Variants in PPP1R3C observed in about 807,000 individuals in gnomAD.
PPP1R3C encodes protein phosphatase 1 regulatory subunit 3C, also known as PP1 subunit R5.
Under a neutral mutation model 29.3 loss-of-function variants are expected in PPP1R3C, and 20 were observed. That is an observed-to-expected ratio of 0.68 (90% confidence interval 0.48 to 0.99). The LOEUF is 0.99. Ranked by LOEUF, PPP1R3C falls within the 50% of genes least tolerant of loss-of-function variation. PPP1R3C has a pLI of 0.00. For missense variants in PPP1R3C, 321 were observed against 386.0 expected, an observed-to-expected ratio of 0.83 and a Z score of 1.41; for synonymous variants, 123 against 143.1, an observed-to-expected ratio of 0.86 and a Z score of 1.00.
intron 1 of PPP1R3C, among the ~76,000 whole-genome samples, 171 bp from the exon 2 acceptor site, chr10:91,631,037 T>C (rs1414293883): frequency 6.6e-6 from 1 of 152,242 alleles, no homozygotes; most frequent in Admixed American, 6.5e-5. Flanking sequence ...TCAGATCTTC[T>C]ATGTCTACCT....
chr10:91,629,555 T>C lies in PPP1R3C; in HGVS notation c.*372A>G. Reference sequence around the variant, plus strand: ...CTTGAGCTTCAGAGCCCTTTGTGTATACTTTTCACACATTCCTCATACCAT... The same window carrying C: ...CTTGAGCTTCAGAGCCCTTTGTGTACACTTTTCACACATTCCTCATACCAT... On this transcript the variant is annotated 3_prime_UTR_variant, in exon 2 of 2. Coordinates refer to ENST00000238994, the MANE Select transcript of PPP1R3C (RefSeq NM_005398.7). 3.8e-6 allele frequency: 1 copy of C among 262,010 alleles called. No individual in the cohort carries two copies. The highest frequency in any genetic ancestry group is 7.4e-6 in the Non-Finnish European group (1 of 135,998). 16.2% of individuals were successfully genotyped at this position (262,010 alleles called of 1,614,324 possible).
intron 1 of PPP1R3C, among the ~76,000 whole-genome samples, chr10:91,632,324 A>C (rs1451585103): frequency 6.6e-6 from 1 of 152,138 alleles, no homozygotes; most frequent in Non-Finnish European, 1.5e-5. Context: ...CAGGATTTTT[A>C]GAGAAGTCTT....
intron 1 of PPP1R3C, 135 bp downstream of exon 1, chr10:91,632,821 A>C: frequency 7.5e-7 from 1 of 1,336,296 alleles, no homozygotes; most frequent in Non-Finnish European, 1.1e-6. Context: ...TGCCAGATTC[A>C]ACTACGCAGT....
At position 91,628,639 on chromosome 10, in the gene PPP1R3C, G is replaced by T. The variant is rs2133482469; in HGVS notation, c.*1288C>A. On this transcript the variant is annotated 3_prime_UTR_variant, in exon 2 of 2. Transcript: ENST00000238994. The stretch of plus-strand genomic sequence containing the variant: ...CTGCATTCTTGTAACACCTCTCAAT[G>T]GTTGTGCACAATAATAGAAGCAACA... 6.6e-6 allele frequency: 1 copy of T among 152,166 alleles called. No homozygotes were observed. The highest frequency in any genetic ancestry group is 2.4e-5 in the African/African-American group (1 of 41,510). The allele number at this position is 152,166 out of a possible 1,614,324, so 9.4% of individuals were successfully genotyped here.
intron 1 of PPP1R3C, among the ~76,000 whole-genome samples, chr10:91,631,545 T>C (rs1475853995): frequency 6.6e-6 from 1 of 151,762 alleles, no homozygotes; most frequent in African/African-American, 2.4e-5. Context: ...AAAAATAACA[T>C]GCAACAGTTT....
In PPP1R3C at chr10:91,630,973, CT is replaced by C; in HGVS notation, c.15-108del. 1 of 947,730 alleles carries C rather than the reference CT, an allele frequency of 1.1e-6. No individual in the cohort carries two copies. The highest frequency in any genetic ancestry group is 1.4e-5 in the South Asian group (1 of 73,846). The allele number at this position is 947,730 out of a possible 1,614,324, so 58.7% of individuals were successfully genotyped here. A position where few individuals can be genotyped will look rare whatever the true frequency, so the allele number is the denominator to read the frequency against. ...TGCTGACTGAATTATAGCCAGTGCA[CT>C]AGATATCAGGCAGGTGCTATCATAT... On this transcript the variant is annotated intron_variant, in intron 1 of 1. Transcript: ENST00000238994. This position sits in a 1 kb window ranked among gnomAD's most constrained non-coding sequence, Gnocchi z 4.4.
At chr10:91,632,914 G>A (rs1278577398) in intron 1 of PPP1R3C, 42 bp downstream of exon 1, 34 of 1,602,896 alleles carry the variant, frequency 2.1e-5, no homozygotes, top group Non-Finnish European at 2.8e-5. Context: ...ACAGCTGCGC[G>A]TTCCCCTGTG....
At position 91,629,692 on chromosome 10, in the gene PPP1R3C, T is replaced by C. The variant is rs1440643714; in HGVS notation, c.*235A>G. 1 of 573,078 alleles carries C rather than the reference T, an allele frequency of 1.7e-6. No homozygotes were observed. Among genetic ancestry groups the C allele is most frequent in the African/African-American group, 1.9e-5 (1 of 53,508 alleles). 35.5% of individuals were successfully genotyped at this position (573,078 alleles called of 1,614,324 possible). ...AAGGGAACTGAAAAAGTATTACCTT[T>C]ATAAAAATAGTTTTCAACCTGTTAC... On this transcript the variant is annotated 3_prime_UTR_variant, in exon 2 of 2. Coordinates refer to ENST00000238994, the MANE Select transcript of PPP1R3C (RefSeq NM_005398.7).
rs1043716364 is a variant in PPP1R3C at position 91,628,871 on chromosome 10, C to T, written c.*1056G>A. On this transcript the variant is annotated 3_prime_UTR_variant, in exon 2 of 2. Transcript: ENST00000238994. The stretch of plus-strand genomic sequence containing the variant: ...AGAATCCTAGTGTCGGGCCTCACGT[C>T]AAGCATCACATCAAAAAAGTGTGCA... 6.6e-6 allele frequency: 1 copy of T among 152,520 alleles called. No homozygotes were observed. Among genetic ancestry groups the T allele is most frequent in the African/African-American group, 2.4e-5 (1 of 41,446 alleles). 9.4% of individuals were successfully genotyped at this position (152,520 alleles called of 1,614,324 possible). A position where few individuals can be genotyped will look rare whatever the true frequency, so the allele number is the denominator to read the frequency against.
At chr10:91,631,400 T>G (rs1412010197) in intron 1 of PPP1R3C, among the ~76,000 whole-genome samples, 3 of 152,158 alleles carry the variant, frequency 2.0e-5, no homozygotes, top group African/African-American at 7.2e-5. Flanking sequence ...TTCTTAAAGC[T>G]TCCCAGGTGA....
Position 91,629,609 on chromosome 10 carries a change from T to C in PPP1R3C, c.*318A>G. On this transcript the variant is annotated 3_prime_UTR_variant, in exon 2 of 2. Transcript: ENST00000238994. ...CACAGCTTTCCATCACCATCAGCCA[T>C]CCTTCCTCAACTTTTCCTTGCCCAA... The C allele has an allele frequency of 2.5e-6, 1 of 406,408 alleles. No individual in the cohort carries two copies. Among genetic ancestry groups the C allele is most frequent in the Non-Finnish European group, 4.5e-6 (1 of 220,380 alleles). The allele number at this position is 406,408 out of a possible 1,614,324, so 25.2% of individuals were successfully genotyped here.
At chr10:91,632,268 A>G in intron 1 of PPP1R3C, among the ~76,000 whole-genome samples, 1 of 152,236 alleles carries the variant, frequency 6.6e-6, no homozygotes, top group African/African-American at 2.4e-5. Flanking sequence ...AGAACAAACA[A>G]ATGAAAGCTA....
intron 1 of PPP1R3C, among the ~76,000 whole-genome samples, chr10:91,631,195 G>A (rs989168719): frequency 6.6e-6 from 1 of 152,124 alleles, no homozygotes; most frequent in Non-Finnish European, 1.5e-5. Flanking sequence ...CTGGACCAGT[G>A]GTCCTCAAAC....
chr10:91,632,061 A>AT (rs1448579952), intron 1 of PPP1R3C, among the ~76,000 whole-genome samples: 1 of 152,130 alleles, frequency 6.6e-6, no homozygotes, highest in Non-Finnish European at 1.5e-5. Flanking sequence ...TGGTATTAAG[A>AT]TTTTTTTCCC....
chr10:91,631,548 A>C (rs1230788500), intron 1 of PPP1R3C, among the ~76,000 whole-genome samples: 4 of 152,238 alleles, frequency 2.6e-5, no homozygotes, highest in Non-Finnish European at 5.9e-5. Context: ...AATAACATGC[A>C]ACAGTTTTGA....
In PPP1R3C at chr10:91,633,053, G is replaced by A; in HGVS notation, c.-84C>T. On this transcript the variant is annotated 5_prime_UTR_variant, in exon 1 of 2. Transcript: ENST00000238994. The stretch of plus-strand genomic sequence containing the variant: ...CACAGCTCCAGGCCTTGCCCCCGCG[G>A]CGGTCGCTGGGAGAGACTGAGGGCC... 2 of 1,555,718 alleles carry A rather than the reference G, an allele frequency of 1.3e-6. No individual in the cohort carries two copies. The highest frequency in any genetic ancestry group is 1.7e-6 in the Non-Finnish European group (2 of 1,145,670).
chr10:91,630,377 T>C lies in PPP1R3C; in HGVS notation c.504A>G (p.Thr168=). 1 of 1,614,246 alleles carries C rather than the reference T, an allele frequency of 6.2e-7. No individual in the cohort carries two copies. The highest frequency in any genetic ancestry group is 8.5e-7 in the Non-Finnish European group (1 of 1,180,044). ...TTTTGACTTTAACAGTCCCTGTCAC[T>C]GTTCGCTCTTGCAACGAGCAGTTCT... is the stretch of plus-strand genomic sequence containing the variant. ...CLENCSLQER[T]VTGTVKVKNV... The change falls in exon 2 of 2, where the codon ACA becomes ACG. Residue 168 remains threonine, a synonymous_variant. Coordinates refer to ENST00000238994, the MANE Select transcript of PPP1R3C (RefSeq NM_005398.7). The surrounding 1 kb of genome is among the most constrained non-coding windows in gnomAD (Gnocchi z 4.4).
Position 91,630,950 on chromosome 10 carries a change from C to T in PPP1R3C, c.15-84G>A. The T allele has an allele frequency of 2.4e-6, 3 of 1,240,524 alleles. No individual in the cohort carries two copies. The highest frequency in any genetic ancestry group is 3.5e-6 in the Non-Finnish European group (3 of 860,940). The allele number at this position is 1,240,524 out of a possible 1,614,324, so 76.8% of individuals were successfully genotyped here. On this transcript the variant is annotated intron_variant, in intron 1 of 1. Coordinates refer to ENST00000238994, the MANE Select transcript of PPP1R3C (RefSeq NM_005398.7). The surrounding 1 kb of genome is among the most constrained non-coding windows in gnomAD (Gnocchi z 4.4). ...CAAATACATATGTACTATTTTTGTG[C>T]TGACTGAATTATAGCCAGTGCACTA...
chr10:91,630,533 G>C lies in PPP1R3C; in HGVS notation c.348C>G (p.Leu116=), dbSNP rs748286670. 5 of 1,614,192 alleles carry C rather than the reference G, an allele frequency of 3.1e-6. No homozygotes were observed. The highest frequency in any genetic ancestry group is 4.2e-6 in the Non-Finnish European group (5 of 1,180,038). ...CAGAGGAGATATCATTAAGGTCCAA[G>C]AGATCAAACTGCAGATCCCACGCTG... The part of the protein sequence containing the change: ...EEPAWDLQFD[L]LDLNDISSAL... Residue 116 remains leucine, a synonymous_variant, in exon 2 of 2, where the codon CTC becomes CTG. Coordinates refer to ENST00000238994, the MANE Select transcript of PPP1R3C (RefSeq NM_005398.7). This position sits in a 1 kb window ranked among gnomAD's most constrained non-coding sequence, Gnocchi z 4.4.
Sources: allele counts gnomAD v4.1 joint callset (sites outside exome capture counted in the v4.1 genomes callset), GRCh38; gene constraint gnomAD v4.1.1; non-coding constraint Gnocchi (gnomAD v3.1); transcripts MANE v1.5; gene names NCBI Gene and HGNC (gene_info 2026-07-23, HGNC 2026-07-21).